ZNF483: variants seen among roughly 807,000 people sequenced by gnomAD.
The protein encoded by ZNF483 is zinc finger protein HIT-10.
A neutral mutation model predicts 28.6 loss-of-function variants in ZNF483; 9 were observed. The observed-to-expected ratio is 0.32, with a 90% confidence interval of 0.19 to 0.55. ZNF483 has a LOEUF of 0.55. Among genes scored for constraint, ZNF483 ranks in the 20% least tolerant of loss-of-function variants. The pLI, the probability that ZNF483 is intolerant of heterozygous loss-of-function variation, is 0.93. For missense variants in ZNF483, 675 were observed against 871.7 expected (o/e 0.77, Z 2.84); for synonymous variants, 322 against 306.2 (o/e 1.05, Z -0.54).
intron 3 of ZNF483, among the ~76,000 whole-genome samples, chr9:111,531,453 T>G (rs988331115): frequency 9.2e-5 from 14 of 152,096 alleles, no homozygotes; most frequent in African/African-American, 3.1e-4. Flanking sequence ...CTCGGCTCAC[T>G]GCAGCCTCTG....
At chr9:111,567,245 T>C (rs1379165271) in intron 5 of ZNF483, among the ~76,000 whole-genome samples, 1 of 152,192 alleles carries the variant, frequency 6.6e-6, no homozygotes, top group African/African-American at 2.4e-5. Flanking sequence ...TGGAGTGCAG[T>C]GGCACGATCT....
In ZNF483 at chr9:111,553,308, A is replaced by G. The variant is rs1417516725; in HGVS notation, c.*10138A>G. Among the ~76,000 whole-genome samples, 1 of 152,228 alleles carries G rather than the reference A, an allele frequency of 6.6e-6. No homozygotes were observed. The highest frequency in any genetic ancestry group is 2.4e-5 in the African/African-American group (1 of 41,460). On this transcript the variant is annotated 3_prime_UTR_variant, in exon 6 of 6. Transcript: ENST00000309235. ...TCTTGACTATGCCAGTTGTAGTACC[A>G]GCTTCTGTATCTGCACTGAATTCTG... is the stretch of plus-strand genomic sequence containing the variant.
rs1829062299 is a variant in ZNF483 at position 111,576,521 on chromosome 9, G to T, written c.*107G>T. On this transcript the variant is annotated 3_prime_UTR_variant, in exon 6 of 6. Coordinates refer to the ZNF483 transcript ENST00000358151. ...CTGGTTCGGGGAAGAGCTGGATGGA[G>T]TATGAATCCCAACTCTGGGGGTATT... 6 of 1,463,250 alleles carry T rather than the reference G, an allele frequency of 4.1e-6. No individual in the cohort carries two copies. The South Asian group carries it at 7.4e-5, about 18-fold the overall frequency. The allele number at this position is 1,463,250 out of a possible 1,614,324, so 90.6% of individuals were successfully genotyped here. A position where few individuals can be genotyped will look rare whatever the true frequency, so the allele number is the denominator to read the frequency against.
chr9:111,535,106 A>G (rs1367791886), intron 5 of ZNF483, among the ~76,000 whole-genome samples: 1 of 152,174 alleles, frequency 6.6e-6, no homozygotes, highest in East Asian at 1.9e-4. Flanking sequence ...TGTGTCTCAA[A>G]GAAATGGGCC....
rs771526904 is a variant in ZNF483, at chr9:111,543,193, G to A, written c.*23G>A. The A allele has an allele frequency of 3.5e-5, 54 of 1,557,892 alleles. No individual in the cohort carries two copies. The highest frequency in any genetic ancestry group is 4.5e-5 in the Non-Finnish European group (52 of 1,153,954). On this transcript the variant is annotated 3_prime_UTR_variant, in exon 6 of 6. Coordinates refer to ENST00000309235, the MANE Select transcript of ZNF483 (RefSeq NM_133464.5). ...TAATCCTGGAACTACATTAAAGTGG[G>A]GGGAATTTAATTCAAATTGTCAGTT... is the stretch of plus-strand genomic sequence containing the variant.
In ZNF483 at chr9:111,541,931, T is replaced by C; in HGVS notation, c.996T>C (p.Tyr332=). Residue 332 remains tyrosine (Y), a synonymous_variant, in exon 6 of 6, where the codon TAT becomes TAC. Coordinates refer to ENST00000309235, the MANE Select transcript of ZNF483 (RefSeq NM_133464.5). ...RVYLRKKSRR[Y]NESKKPFSFH... is the part of the protein sequence containing the mutation. ...ACTTGAGGAAGAAATCTCGGAGGTA[T>C]AATGAAAGCAAGAAACCCTTCAGTT... 1 of 1,614,074 alleles carries C rather than the reference T, an allele frequency of 6.2e-7. No individual in the cohort carries two copies. Among genetic ancestry groups the C allele is most frequent in the Non-Finnish European group, 8.5e-7 (1 of 1,180,030 alleles).
At chr9:111,573,283 G>A (rs1554817881) in intron 5 of ZNF483, among the ~76,000 whole-genome samples, 9 of 151,728 alleles carry the variant, frequency 5.9e-5, no homozygotes, top group Non-Finnish European at 1.0e-4. Flanking sequence ...ATTATAGGGG[G>A]AAAAAAAAGT....
chr9:111,535,421 A>G (rs75462914), intron 5 of ZNF483, among the ~76,000 whole-genome samples: 6,570 of 152,220 alleles, frequency 0.043, 194 homozygotes, highest in Non-Finnish European at 0.066. Flanking sequence ...AGCATGCATA[A>G]TAATTCCATT....
rs7341745 is a variant in ZNF483, at chr9:111,535,192, T to C, written c.721+839T>C. On this transcript the variant is annotated intron_variant, in intron 5 of 5. Transcript: ENST00000309235. ...TTGTGTGAATGCAGTGTTGGATTCA[T>C]AGAGCAGCAGCAGGGGTTGTCAGGT... Among the ~76,000 whole-genome samples, 12 of 152,346 alleles carry C rather than the reference T, an allele frequency of 7.9e-5. 1 individual carries two copies. The highest frequency in any genetic ancestry group is 2.9e-4 in the African/African-American group (12 of 41,584).
rs772455241 is a variant in ZNF483, at chr9:111,552,671, G to GT, written c.*9503dup. ...ATGAATCGACATTGTAAATTTGGAG[G>GT]TTCTTTGAGACAGAATATACCCAGA... is the stretch of plus-strand genomic sequence containing the variant. On this transcript the variant is annotated 3_prime_UTR_variant, in exon 6 of 6. Coordinates refer to ENST00000309235, the MANE Select transcript of ZNF483 (RefSeq NM_133464.5). Among the ~76,000 whole-genome samples, 2 of 152,096 alleles carry GT rather than the reference G, an allele frequency of 1.3e-5. No homozygotes were observed. The highest frequency in any genetic ancestry group is 4.8e-5 in the African/African-American group (2 of 41,422).
Position 111,550,809 on chromosome 9 carries a change from T to C in ZNF483, c.*7639T>C, listed in dbSNP as rs76588025. Among the ~76,000 whole-genome samples, 459 of 152,314 alleles carry C rather than the reference T, an allele frequency of 3.0e-3. 5 individuals are homozygous for C. Among genetic ancestry groups the C allele is most frequent in the African/African-American group, 0.011 (444 of 41,562 alleles). On this transcript the variant is annotated 3_prime_UTR_variant, in exon 6 of 6. Transcript: ENST00000309235. ...TGATTCTTTCTTCCTTTTTTCTAAT[T>C]GGTTTTGTTTCATAGGTGAAATATT... is the stretch of plus-strand genomic sequence containing the variant.
intron 5 of ZNF483, among the ~76,000 whole-genome samples, chr9:111,573,590 G>T (rs79558846): frequency 3.3e-5 from 5 of 152,028 alleles, no homozygotes; most frequent in Non-Finnish European, 7.4e-5. Flanking sequence ...TTTGGGGGGG[G>T]ACCATAGGTA....
intron 5 of ZNF483, chr9:111,564,351 G>A (rs1290771675): frequency 2.0e-6 from 1 of 504,890 alleles, no homozygotes; most frequent in Non-Finnish European, 2.7e-6. Flanking sequence ...TGTCACCTAG[G>A]TTTGAGTGCA....
intron 4 of ZNF483, 40 bp from the exon 5 acceptor site, chr9:111,534,221 A>C (rs372790610): frequency 1.3e-6 from 2 of 1,551,428 alleles, no homozygotes; most frequent in East Asian, 4.5e-5. Context: ...TCTTTACTCT[A>C]TGCAAAACAG....
intron 2 of ZNF483, chr9:111,528,014 G>A: frequency 1.4e-6 from 2 of 1,458,478 alleles, no homozygotes; most frequent in African/African-American, 1.4e-5. Context: ...GTTAAAAAGG[G>A]ATTTTATCTT....
downstream of ZNF483, among the ~76,000 whole-genome samples, chr9:111,558,269 T>C (rs919105110): frequency 1.3e-5 from 2 of 152,242 alleles, no homozygotes; most frequent in African/African-American, 4.8e-5. Context: ...GTAATTATCA[T>C]TATCTACATG....
chr9:111,534,248 T>C lies in ZNF483; in HGVS notation c.629-13T>C, dbSNP rs1469418535. ...GCAAAACAGCAATTTTCTGTTCTTTTCTCTATGAGCAGACTTTCCAGTTTC... is the reference window on the plus strand; with the variant it reads ...GCAAAACAGCAATTTTCTGTTCTTTCCTCTATGAGCAGACTTTCCAGTTTC... On this transcript the variant is annotated splice_polypyrimidine_tract_variant and intron_variant, in intron 4 of 5. Transcript: ENST00000309235. The C allele has an allele frequency of 1.2e-6, 2 of 1,611,818 alleles. No individual in the cohort carries two copies. The highest frequency in any genetic ancestry group is 1.7e-6 in the Non-Finnish European group (2 of 1,178,046).
intron 4 of ZNF483, 47 bp downstream of exon 4, chr9:111,533,912 T>A: frequency 6.4e-7 from 1 of 1,571,146 alleles, no homozygotes; most frequent in Non-Finnish European, 8.6e-7. Context: ...CTTGGGTCTC[T>A]TTTTGTTCCC....
chr9:111,534,868 C>T (rs1430791386), intron 5 of ZNF483, among the ~76,000 whole-genome samples: 4 of 151,722 alleles, frequency 2.6e-5, no homozygotes, highest in South Asian at 2.1e-4. Context: ...GGATTACAGG[C>T]GCCTGCCACC....
Sources: gnomAD v4.1 joint callset for allele counts (sites outside exome capture counted in the v4.1 genomes callset) on GRCh38, gnomAD v4.1.1 for gene constraint, MANE v1.5 for transcripts, NCBI Gene and HGNC (gene_info 2026-07-23, HGNC 2026-07-21) for gene names.